The following KCND2 variants were observed in gnomAD, a reference collection of about 807,000 sequenced individuals.
KCND2 encodes the protein potassium voltage-gated channel subfamily D member 2.
A neutral mutation model predicts 54.4 loss-of-function variants in KCND2; 16 were observed. The ratio of observed to expected loss-of-function variants is 0.29; its 90% CI spans 0.20 to 0.45. KCND2 has a LOEUF of 0.45. Among genes scored for constraint, KCND2 ranks in the 20% least tolerant of loss-of-function variants. The pLI is 1.00. For missense variants in KCND2, 486 were observed against 824.2 expected (o/e 0.59, Z 5.02); for synonymous variants, 317 against 310.7 (o/e 1.02, Z -0.21).
intron 1 of KCND2, among the ~76,000 whole-genome samples, chr7:120,446,698 C>T (rs1259608276): frequency 6.6e-6 from 1 of 152,144 alleles, no homozygotes; most frequent in Non-Finnish European, 1.5e-5. Context: ...CCCCTATACT[C>T]ATAGATGAAC....
At chr7:120,309,840 A>G (rs1799711259) in intron 1 of KCND2, among the ~76,000 whole-genome samples, 2 of 152,146 alleles carry the variant, frequency 1.3e-5, no homozygotes, top group Non-Finnish European at 2.9e-5. Flanking sequence ...AAATTTTGGC[A>G]TACATGATCC....
chr7:120,483,902 G>T (rs987179723), intron 1 of KCND2, among the ~76,000 whole-genome samples: 3 of 152,218 alleles, frequency 2.0e-5, no homozygotes, highest in Non-Finnish European at 4.4e-5. Context: ...AGGTTTCTGA[G>T]TGGGAAGAAG....
intron 1 of KCND2, chr7:120,464,226 TA>T (rs78293887): frequency 0.019 from 3,317 of 178,700 alleles, 40 homozygotes; most frequent in African/African-American, 0.044. Flanking sequence ...CTGGTCAAGG[TA>T]AAAAAAAAAA....
rs145198434 is a variant in KCND2, at chr7:120,604,375, G to A, written c.1116-128528G>A. ...AAAAAAAAAGGAAGTAGCTGGGCAA[G>A]TAGTCCCAGGTACTCAGGAGACTGA... On this transcript the variant is annotated intron_variant, in intron 1 of 5. Transcript: ENST00000331113. 4.8e-3 allele frequency among the ~76,000 whole-genome samples: 721 copies of A among 149,758 alleles called. 8 individuals are homozygous for A. Among genetic ancestry groups the A allele is most frequent in the African/African-American group, 0.017 (683 of 40,894 alleles).
intron 1 of KCND2, among the ~76,000 whole-genome samples, chr7:120,520,807 A>G (rs149792232): frequency 4.6e-5 from 7 of 152,236 alleles, no homozygotes; most frequent in African/African-American, 1.7e-4. Flanking sequence ...TAATTTCCAC[A>G]TTTTTAATGG....
Position 120,481,413 on chromosome 7 carries a change from C to A in KCND2, c.1115+205666C>A, listed in dbSNP as rs557377975. On this transcript the variant is annotated intron_variant, in intron 1 of 5. Transcript: ENST00000331113. ...AATGTTTGGAAAATTTGTGGCCTGG[C>A]CATGTAAAGAATGAAAAGGCTGTTT... 2.0e-5 allele frequency among the ~76,000 whole-genome samples: 3 copies of A among 152,050 alleles called. No homozygotes were observed. The East Asian group carries it at 5.8e-4, about 29-fold the overall frequency.
intron 1 of KCND2, among the ~76,000 whole-genome samples, chr7:120,527,204 G>A (rs1359878876): frequency 1.3e-5 from 2 of 152,082 alleles, no homozygotes; most frequent in East Asian, 1.9e-4. Context: ...GCAAGAACAC[G>A]TGAACTGGGG....
At chr7:120,625,569 G>T (rs1181540026) in intron 1 of KCND2, among the ~76,000 whole-genome samples, 1 of 152,052 alleles carries the variant, frequency 6.6e-6, no homozygotes, top group East Asian at 1.9e-4. Context: ...AAGTCCTAAG[G>T]TCCATTAACT....
chr7:120,672,434 CTACCTGTTGAAA>C (rs1792003933), intron 1 of KCND2, among the ~76,000 whole-genome samples: 1 of 152,082 alleles, frequency 6.6e-6, no homozygotes, highest in South Asian at 2.1e-4. Context: ...CTGACCCCTC[CTACCTGTTGAAA>C]TGCCTTTGTT....
chr7:120,548,690 T>G (rs966148315), intron 1 of KCND2, among the ~76,000 whole-genome samples: 7 of 152,144 alleles, frequency 4.6e-5, no homozygotes, highest in Non-Finnish European at 8.8e-5. Flanking sequence ...GGGGCTCTTG[T>G]AGCTTTCCCT....
Position 120,464,594 on chromosome 7 carries a change from G to T in KCND2, c.1115+188847G>T, listed in dbSNP as rs142070303. Among the ~76,000 whole-genome samples the T allele has an allele frequency of 2.9e-3, 447 of 152,272 alleles. 3 individuals carry two copies. Among genetic ancestry groups the T allele is most frequent in the African/African-American group, 0.01 (429 of 41,542 alleles). ...CAGAAGTCTGAGTGGATTTGACTGG[G>T]TTTTCTGTTCTGGGTCTCAGAAAGC... is the stretch of plus-strand genomic sequence containing the variant. On this transcript the variant is annotated intron_variant, in intron 1 of 5. Transcript: ENST00000331113.
intron 1 of KCND2, among the ~76,000 whole-genome samples, chr7:120,630,575 GA>G (rs1487822610): frequency 6.6e-6 from 1 of 151,980 alleles, no homozygotes; most frequent in African/African-American, 2.4e-5. Flanking sequence ...GAATTGTGGG[GA>G]AAACATAGTT....
rs777194188 is a variant in KCND2 at position 120,745,842 on chromosome 7, T to C, written c.1530T>C (p.Asn510=). 6.2e-7 allele frequency: 1 copy of C among 1,613,818 alleles called. No individual in the cohort carries two copies. Among genetic ancestry groups the C allele is most frequent in the Non-Finnish European group, 8.5e-7 (1 of 1,179,782 alleles). Residue 510 remains asparagine, a synonymous_variant, in exon 5 of 6, where the codon AAT becomes AAC. Coordinates refer to ENST00000331113, the MANE Select transcript of KCND2 (RefSeq NM_012281.3). ...EESCMEVATV[N]RPSSHSPSLS... is the part of the protein sequence containing the mutation. Reference sequence around the variant, plus strand: ...GCTGCATGGAAGTTGCAACTGTTAATCGTCCTTCAAGTCACAGTCCTTCAC... The same window carrying C: ...GCTGCATGGAAGTTGCAACTGTTAACCGTCCTTCAAGTCACAGTCCTTCAC...
At chr7:120,642,000 T>C (rs1289186716) in intron 1 of KCND2, among the ~76,000 whole-genome samples, 1 of 152,070 alleles carries the variant, frequency 6.6e-6, no homozygotes, top group African/African-American at 2.4e-5. Flanking sequence ...TGATGCCTAG[T>C]TTAAGTTCAC....
At chr7:120,639,078 C>T (rs866008249) in intron 1 of KCND2, among the ~76,000 whole-genome samples, 9 of 152,174 alleles carry the variant, frequency 5.9e-5, no homozygotes, top group South Asian at 4.2e-4. Context: ...CTGGAAAGAA[C>T]TTCAAATGCT....
intron 1 of KCND2, among the ~76,000 whole-genome samples, chr7:120,497,198 T>G (rs907426674): frequency 6.6e-6 from 1 of 152,142 alleles, no homozygotes; most frequent in Non-Finnish European, 1.5e-5. Flanking sequence ...AATAAGCACA[T>G]AAGAACACCC....
At chr7:120,543,125 A>T (rs1260131851) in intron 1 of KCND2, among the ~76,000 whole-genome samples, 3 of 152,182 alleles carry the variant, frequency 2.0e-5, no homozygotes, top group East Asian at 3.9e-4. Context: ...TTCTTTAAAA[A>T]TCCAAGCAAC....
intron 1 of KCND2, among the ~76,000 whole-genome samples, chr7:120,346,709 TTCTC>T (rs371532349): frequency 6.6e-6 from 1 of 151,958 alleles, no homozygotes; most frequent in Non-Finnish European, 1.5e-5. Context: ...CTTTCTCCTC[TTCTC>T]TCTGTCTCTT....
At chr7:120,353,847 A>C (rs1045062962) in intron 1 of KCND2, among the ~76,000 whole-genome samples, 2 of 152,226 alleles carry the variant, frequency 1.3e-5, no homozygotes, top group Non-Finnish European at 2.9e-5. Context: ...AAGGTGCCTT[A>C]GACAATTGAA....
Sources: allele counts gnomAD v4.1 joint callset (sites outside exome capture counted in the v4.1 genomes callset), GRCh38; gene constraint gnomAD v4.1.1; transcripts MANE v1.5; gene names NCBI Gene and HGNC (gene_info 2026-07-23, HGNC 2026-07-21).